ESRRG: variants seen among roughly 807,000 people sequenced by gnomAD.
The protein encoded by ESRRG is estrogen-related receptor gamma.
A neutral mutation model predicts 44.0 loss-of-function variants in ESRRG; 13 were observed. The ratio of observed to expected loss-of-function variants is 0.30; its 90% CI spans 0.19 to 0.47. The LOEUF (loss-of-function observed/expected upper bound fraction) is 0.47, where lower values mean the gene tolerates loss of function less well. ESRRG is among the 20% of genes least tolerant of loss of function. ESRRG has a pLI of 1.00. For missense variants in ESRRG, 395 were observed against 580.6 expected (o/e 0.68, Z 3.29); for synonymous variants, 215 against 214.6 (o/e 1.00, Z -0.02).
chr1:216,540,513 A>G (rs1018038951), intron 5 of ESRRG, among the ~76,000 whole-genome samples: 2 of 152,024 alleles, frequency 1.3e-5, no homozygotes, highest in Non-Finnish European at 2.9e-5. Context: ...ACTTCTCTAT[A>G]TCAGTCAATA....
intron 1 of ESRRG, among the ~76,000 whole-genome samples, chr1:217,031,037 T>G (rs974879809): frequency 7.2e-5 from 11 of 152,226 alleles, no homozygotes; most frequent in East Asian, 1.9e-4. Flanking sequence ...ACAGCCATGC[T>G]CTAAAGGAGA....
intron 1 of ESRRG, among the ~76,000 whole-genome samples, chr1:217,063,003 T>C (rs1261471645): frequency 6.6e-6 from 1 of 152,148 alleles, no homozygotes; most frequent in Non-Finnish European, 1.5e-5. Flanking sequence ...CTGTTTTCTA[T>C]CTCCGTTGAG....
intron 3 of ESRRG, among the ~76,000 whole-genome samples, chr1:216,626,951 G>A (rs2063296702): frequency 6.6e-6 from 1 of 152,156 alleles, no homozygotes; most frequent in South Asian, 2.1e-4. Flanking sequence ...TGTGCCCAGG[G>A]CTCTGCCAGA....
rs940999513 is a variant in ESRRG, at chr1:216,689,352, G to A, written c.57-11861C>T. On this transcript the variant is annotated intron_variant, in intron 1 of 6. Transcript: ENST00000408911. ...TCCTATGACCATTACAGGAATTACCGTTTTGTTCTCTAACCCAGTATTATA... is the reference window on the plus strand; with the variant it reads ...TCCTATGACCATTACAGGAATTACCATTTTGTTCTCTAACCCAGTATTATA... Among the ~76,000 whole-genome samples, 13 of 152,036 alleles carry A rather than the reference G, an allele frequency of 8.6e-5. No individual in the cohort carries two copies. In the South Asian group the frequency reaches 1.7e-3, roughly 19 times the overall value.
intron 2 of ESRRG, among the ~76,000 whole-genome samples, chr1:216,821,621 G>A (rs1449614555): frequency 1.3e-5 from 2 of 149,030 alleles, no homozygotes; most frequent in Non-Finnish European, 3.0e-5. Context: ...GGAGTTTGAG[G>A]TTGGAATGAG....
intron 1 of ESRRG, among the ~76,000 whole-genome samples, chr1:217,043,182 A>C (rs1185904709): frequency 6.6e-6 from 1 of 152,170 alleles, no homozygotes; most frequent in African/African-American, 2.4e-5. Context: ...GAAACTCAGC[A>C]AAGAAGACAA....
intron 2 of ESRRG, among the ~76,000 whole-genome samples, chr1:216,787,599 C>CAAAA (rs34433548): frequency 4.9e-4 from 37 of 76,260 alleles, no homozygotes; most frequent in East Asian, 1.3e-3. Context: ...AAGACTCCAT[C>CAAAA]AAAAAAAAAA....
intron 2 of ESRRG, among the ~76,000 whole-genome samples, chr1:216,665,627 C>T (rs542031059): frequency 6.6e-6 from 1 of 152,136 alleles, no homozygotes; most frequent in East Asian, 1.9e-4. Flanking sequence ...ATTGCACAAC[C>T]ATGAGCATAT....
chr1:216,684,027 G>A (rs1453416847), intron 1 of ESRRG, among the ~76,000 whole-genome samples: 1 of 152,118 alleles, frequency 6.6e-6, no homozygotes, highest in Non-Finnish European at 1.5e-5. Context: ...TTGCAATGGA[G>A]GCCCAGAAAT....
chr1:216,831,494 G>C (rs2095486613), intron 2 of ESRRG, among the ~76,000 whole-genome samples: 1 of 149,872 alleles, frequency 6.7e-6, no homozygotes, highest in South Asian at 2.1e-4. Context: ...GGAGGAAAGA[G>C]GAGGAGAAAA....
intron 1 of ESRRG, among the ~76,000 whole-genome samples, chr1:216,959,202 C>T (rs1179287954): frequency 6.6e-6 from 1 of 152,060 alleles, no homozygotes; most frequent in Non-Finnish European, 1.5e-5. Context: ...TTGCTCACTA[C>T]TGATTCCCAG....
chr1:216,553,795 T>C (rs2056941391), intron 5 of ESRRG, among the ~76,000 whole-genome samples: 2 of 152,146 alleles, frequency 1.3e-5, no homozygotes, highest in Non-Finnish European at 2.9e-5. Flanking sequence ...TTGTATATCA[T>C]TCCTGACACT....
At chr1:217,004,743 A>G (rs566841820) in intron 1 of ESRRG, among the ~76,000 whole-genome samples, 1 of 152,348 alleles carries the variant, frequency 6.6e-6, no homozygotes, top group East Asian at 1.9e-4. Flanking sequence ...TTATTCTGAA[A>G]ATATGTATTC....
At chr1:216,840,655 C>G (rs1012957579) in intron 2 of ESRRG, among the ~76,000 whole-genome samples, 3 of 152,116 alleles carry the variant, frequency 2.0e-5, no homozygotes, top group African/African-American at 7.2e-5. Flanking sequence ...GTGTGTAACT[C>G]TTTCCTTCAC....
chr1:217,021,305 G>A (rs1019802149), intron 1 of ESRRG, among the ~76,000 whole-genome samples: 2 of 152,148 alleles, frequency 1.3e-5, no homozygotes, highest in Non-Finnish European at 2.9e-5. Flanking sequence ...AAGGCAGCTG[G>A]CAGGGGTTAA....
At chr1:216,758,231 T>G (rs1282562304) in intron 2 of ESRRG, among the ~76,000 whole-genome samples, 3 of 152,108 alleles carry the variant, frequency 2.0e-5, no homozygotes, top group Non-Finnish European at 4.4e-5. Flanking sequence ...AGTTTTCTTT[T>G]TCAGTCTCTT....
Position 216,564,343 on chromosome 1 carries a change from C to T in ESRRG, c.738G>A (p.Pro246=), listed in dbSNP as rs762615151. The stretch of plus-strand genomic sequence containing the variant: ...GGTCAGGCATGGCATAGATCTTCTC[C>T]GGTTCAGCCACCAACAAATGTGAGA... ...KIVSHLLVAE[P]EKIYAMPDPT... The change falls in exon 5 of 7, where the codon CCG becomes CCA. Residue 246 remains proline (P), a synonymous_variant. Coordinates refer to ENST00000408911, the MANE Select transcript of ESRRG (RefSeq NM_001438.4). 36 of 1,610,702 alleles carry T rather than the reference C, an allele frequency of 2.2e-5. No individual in the cohort carries two copies. The highest frequency in any genetic ancestry group is 5.0e-5 in the Admixed American group (3 of 59,722).
chr1:216,743,985 G>A (rs2091073011), intron 2 of ESRRG, among the ~76,000 whole-genome samples: 1 of 152,080 alleles, frequency 6.6e-6, no homozygotes, highest in African/African-American at 2.4e-5. Context: ...GATTTTACTT[G>A]TGATTCCTCT....
At chr1:217,103,664 ATAAT>A (rs5780968) in intron 1 of ESRRG, among the ~76,000 whole-genome samples, 119,504 of 149,026 alleles carry the variant, frequency 0.8, 48,766 homozygotes, top group East Asian at 0.87. Flanking sequence ...CCTCCAAAAA[ATAAT>A]TAATTAATTA....
Sources: allele counts gnomAD v4.1 joint callset (sites outside exome capture counted in the v4.1 genomes callset), GRCh38; gene constraint gnomAD v4.1.1; transcripts MANE v1.5; gene names NCBI Gene and HGNC (gene_info 2026-07-23, HGNC 2026-07-21).